GRID1: variants seen among roughly 807,000 people sequenced by gnomAD.
GRID1 encodes the protein glutamate ionotropic receptor delta type subunit 1.
Under a neutral mutation model 98.0 loss-of-function variants are expected in GRID1, and 28 were observed. That is an observed-to-expected ratio of 0.29 (90% confidence interval 0.21 to 0.39). The LOEUF (loss-of-function observed/expected upper bound fraction) is 0.39, where lower values mean the gene tolerates loss of function less well. GRID1 is among the 10% of genes least tolerant of loss of function. The pLI is 1.00. For missense variants in GRID1, 1,111 were observed against 1,340.5 expected (o/e 0.83, Z 2.67); for synonymous variants, 553 against 538.5 (o/e 1.03, Z -0.37).
intron 4 of GRID1, among the ~76,000 whole-genome samples, chr10:85,977,916 C>T (rs1842494005): frequency 6.6e-6 from 1 of 152,144 alleles, no homozygotes; most frequent in Admixed American, 6.5e-5. Context: ...TATCTAGTGC[C>T]CTGAATGATG....
intron 2 of GRID1, among the ~76,000 whole-genome samples, chr10:86,310,232 T>C (rs758660965): frequency 5.3e-5 from 8 of 152,190 alleles, no homozygotes; most frequent in Non-Finnish European, 1.0e-4. Flanking sequence ...ACCAGGCCCA[T>C]AGCCACTAGT....
At chr10:85,874,345 G>A (rs955561236) in intron 5 of GRID1, among the ~76,000 whole-genome samples, 1 of 152,088 alleles carries the variant, frequency 6.6e-6, no homozygotes, top group Non-Finnish European at 1.5e-5. Flanking sequence ...GGGAGTTTCT[G>A]TTGCTCTACC....
chr10:86,264,801 GTC>G, intron 2 of GRID1: 1 of 478,306 alleles, frequency 2.1e-6, no homozygotes, highest in Non-Finnish European at 4.3e-6. Flanking sequence ...CCACACGCTC[GTC>G]TGTGTCACCG....
Position 86,195,859 on chromosome 10 carries a change from C to A in GRID1, c.520+10505G>T, listed in dbSNP as rs759341977. 6.6e-6 allele frequency among the ~76,000 whole-genome samples: 1 copy of A among 152,142 alleles called. No homozygotes were observed. Among genetic ancestry groups the A allele is most frequent in the Non-Finnish European group, 1.5e-5 (1 of 67,988 alleles). On this transcript the variant is annotated intron_variant, in intron 3 of 15. Coordinates refer to ENST00000327946, the MANE Select transcript of GRID1 (RefSeq NM_017551.3). This position sits in a 1 kb window ranked among gnomAD's most constrained non-coding sequence, Gnocchi z 4.4. ...TGGATCAAAACCACCAGGCTTCCTG[C>A]AGTCCAGAACTAGTCACACAAGATA...
chr10:86,106,704 C>T (rs1404146502), intron 4 of GRID1, among the ~76,000 whole-genome samples: 1 of 151,964 alleles, frequency 6.6e-6, no homozygotes, highest in Non-Finnish European at 1.5e-5. Flanking sequence ...CAGGAATGTG[C>T]AGTGAGAAGA....
intron 8 of GRID1, among the ~76,000 whole-genome samples, chr10:85,746,870 G>C (rs1842002114): frequency 2.0e-5 from 3 of 152,044 alleles, no homozygotes; most frequent in African/African-American, 7.2e-5. Context: ...GTTAAATGTT[G>C]GGGTCATTTG....
intron 4 of GRID1, among the ~76,000 whole-genome samples, chr10:86,036,347 T>C (rs963663961): frequency 2.4e-4 from 36 of 152,110 alleles, no homozygotes; most frequent in South Asian, 4.2e-4. Flanking sequence ...GGAAAGGAAG[T>C]CCTTCTAAAT....
intron 2 of GRID1, among the ~76,000 whole-genome samples, chr10:86,353,671 T>C (rs1034242187): frequency 6.6e-5 from 10 of 151,978 alleles, no homozygotes; most frequent in Non-Finnish European, 1.3e-4. Flanking sequence ...CCAGTTGGGG[T>C]TCTGTGATAA....
intron 2 of GRID1, among the ~76,000 whole-genome samples, chr10:86,236,017 T>C (rs1456862742): frequency 1.3e-5 from 2 of 152,248 alleles, no homozygotes; most frequent in Admixed American, 6.5e-5. Context: ...CCGCTGGCAG[T>C]GTATGAGGGT....
At chr10:85,723,851 C>T (rs890686538) in intron 11 of GRID1, among the ~76,000 whole-genome samples, 3 of 152,176 alleles carry the variant, frequency 2.0e-5, no homozygotes, top group Admixed American at 6.5e-5. Context: ...AGAAACTTTG[C>T]AATTTGTTGC....
At chr10:85,970,884 G>A (rs1008951412) in intron 4 of GRID1, among the ~76,000 whole-genome samples, 1 of 151,928 alleles carries the variant, frequency 6.6e-6, no homozygotes, top group African/African-American at 2.4e-5. Context: ...TAGGGAGGAA[G>A]AAGTAAAACT....
intron 8 of GRID1, among the ~76,000 whole-genome samples, chr10:85,827,148 A>G (rs948835690): frequency 2.0e-5 from 3 of 152,204 alleles, no homozygotes; most frequent in African/African-American, 2.4e-5. Flanking sequence ...AATGACAGAC[A>G]TAGAATTCAG....
chr10:85,803,505 A>G (rs893247863), intron 8 of GRID1, among the ~76,000 whole-genome samples: 1 of 152,132 alleles, frequency 6.6e-6, no homozygotes, highest in African/African-American at 2.4e-5. Context: ...TTTCTATCAG[A>G]CAAGTCTCAA....
At chr10:85,894,273 A>G (rs1212803340) in intron 5 of GRID1, among the ~76,000 whole-genome samples, 1 of 152,214 alleles carries the variant, frequency 6.6e-6, no homozygotes, top group Non-Finnish European at 1.5e-5. Context: ...AAAATAAAAT[A>G]AGGATTAATC....
chr10:86,097,134 T>A lies in GRID1; in HGVS notation c.726+41685A>T, dbSNP rs543877834. On this transcript the variant is annotated intron_variant, in intron 4 of 15. Coordinates refer to ENST00000327946, the MANE Select transcript of GRID1 (RefSeq NM_017551.3). ...GTGACACCATCCACTTCACTGGTCC[T>A]AAGACCTTCAGACTTGGACTGAGCC... Among the ~76,000 whole-genome samples, 3 of 152,346 alleles carry A rather than the reference T, an allele frequency of 2.0e-5. No homozygotes were observed. The South Asian group carries it at 6.2e-4, about 32-fold the overall frequency.
At chr10:85,694,550 GTATATA>G (rs56344083) in intron 12 of GRID1, among the ~76,000 whole-genome samples, 1,472 of 91,888 alleles carry the variant, frequency 0.016, 33 homozygotes, top group Non-Finnish European at 0.021. Flanking sequence ...AATGTGGTGT[GTATATA>G]TATATATATA....
At chr10:85,713,668 C>T (rs1182594860) in intron 12 of GRID1, among the ~76,000 whole-genome samples, 1 of 146,818 alleles carries the variant, frequency 6.8e-6, no homozygotes, top group African/African-American at 2.5e-5. Context: ...TCAAGTGGAA[C>T]TTACCCCCAG....
intron 3 of GRID1, among the ~76,000 whole-genome samples, chr10:86,188,569 A>T (rs1209934921): frequency 6.6e-6 from 1 of 152,210 alleles, no homozygotes; most frequent in Non-Finnish European, 1.5e-5. Context: ...ATACAGGAAG[A>T]ATGCCAGAGG....
rs1253765631 is a variant in GRID1 at position 85,786,837 on chromosome 10, A to G, written c.1234-57223T>C. ...GTGTTGGGTGTCACTATGGCCTCCC[A>G]GGGCCCAGGCTGCAAAGGGCAGGGC... On this transcript the variant is annotated intron_variant, in intron 8 of 15. Transcript: ENST00000327946. Among the ~76,000 whole-genome samples the G allele has an allele frequency of 1.6e-4, 25 of 152,252 alleles. No individual in the cohort carries two copies. The South Asian group carries it at 1.9e-3, about 11-fold the overall frequency.
Sources: gnomAD v4.1 joint callset for allele counts (sites outside exome capture counted in the v4.1 genomes callset) on GRCh38, gnomAD v4.1.1 for gene constraint, Gnocchi (gnomAD v3.1) non-coding constraint, MANE v1.5 for transcripts, NCBI Gene and HGNC (gene_info 2026-07-23, HGNC 2026-07-21) for gene names.